The following HERC1 variants were observed in gnomAD, a reference collection of about 807,000 sequenced individuals.
The protein encoded by HERC1 is probable E3 ubiquitin-protein ligase HERC1.
HERC1 carries 160 observed loss-of-function variants against 554.3 expected under a neutral mutation model. That is an observed-to-expected ratio of 0.29 (90% confidence interval 0.25 to 0.33). The LOEUF is 0.33. Ranked by LOEUF, HERC1 falls within the 10% of genes least tolerant of loss-of-function variation. The pLI, the probability that HERC1 is intolerant of heterozygous loss-of-function variation, is 1.00. For synonymous variants in HERC1, 2,175 were observed against 2,131.7 expected (o/e 1.02, Z -0.56); for missense variants, 4,919 against 5,918.5 (o/e 0.83, Z 5.54).
chr15:63,627,813 A>G (rs1021514421), intron 70 of HERC1, among the ~76,000 whole-genome samples: 41 of 152,230 alleles, frequency 2.7e-4, no homozygotes, highest in Admixed American at 1.0e-3. Context: ...TTGGGTGTTG[A>G]GCACACAAGT....
At chr15:63,619,308 T>G (rs566544955) in intron 74 of HERC1, among the ~76,000 whole-genome samples, 6 of 152,238 alleles carry the variant, frequency 3.9e-5, no homozygotes, top group East Asian at 1.9e-4. Flanking sequence ...TTATTGATTT[T>G]CGTATGTTGA....
At chr15:63,713,064 T>G (rs1050494784) in intron 23 of HERC1, among the ~76,000 whole-genome samples, 169 bp from the exon 24 acceptor site, 1 of 152,268 alleles carries the variant, frequency 6.6e-6, no homozygotes, top group Non-Finnish European at 1.5e-5. Context: ...CAAAATAATT[T>G]GCATGTCACT....
chr15:63,725,495 T>A lies in HERC1; in HGVS notation c.3365A>T (p.Asp1122Val), dbSNP rs373907100. 6.2e-7 allele frequency: 1 copy of A among 1,613,804 alleles called. No individual in the cohort carries two copies. The highest frequency in any genetic ancestry group is 1.3e-5 in the African/African-American group (1 of 74,920). Residue 1122 changes from aspartate to valine, a missense_variant, in exon 18 of 78, where the codon GAT (aspartate) becomes GTT (valine). By Grantham distance (152) the Asp-to-Val change is radical. Around this residue, in one of 11 missense-constraint regions of HERC1, gnomAD observed 1,121 missense variants for 1,244.0 expected, o/e 0.90. Transcript: ENST00000443617. The part of the protein sequence containing the change: ...WPLHGGPELI[D>V]PAGLPLPQPA... ...CTGAGGTAATGGCAGACCAGCAGGA[T>A]CAATTAGTTCTGGCCCTCCTAAAGA... is the stretch of plus-strand genomic sequence containing the variant.
rs145696170 is a variant in HERC1 at position 63,639,231 on chromosome 15, C to T, written c.11902-455G>A. 1.3e-3 allele frequency among the ~76,000 whole-genome samples: 193 copies of T among 152,324 alleles called. 1 individual carries two copies. The highest frequency in any genetic ancestry group is 2.0e-3 in the Non-Finnish European group (137 of 68,026). On this transcript the variant is annotated intron_variant, in intron 61 of 77. Transcript: ENST00000443617. ...TGCCACGTGACATTTCAGTCAACAA[C>T]AAACTGCATGTGTGAAGATGGTCTC...
intron 1 of HERC1, among the ~76,000 whole-genome samples, chr15:63,811,765 C>G (rs1218450395): frequency 6.9e-6 from 1 of 144,830 alleles, no homozygotes; most frequent in African/African-American, 2.6e-5. Context: ...GCCGAGATCG[C>G]GCCACTGTAC....
chr15:63,678,291 T>C lies in HERC1; in HGVS notation c.6624A>G (p.Val2208=), dbSNP rs1450087792. ...TAGTGGCCTCAGCCAGCACTGCTGC[T>C]ACTGGACTACAAATAGGGTCTCCTG... ...LLPGDPICSP[V]AAVLAEATIQ... is the part of the protein sequence containing the mutation. Residue 2208 remains valine (V), a synonymous_variant, in exon 37 of 78, where the codon GTA becomes GTG. Coordinates refer to ENST00000443617, the MANE Select transcript of HERC1 (RefSeq NM_003922.4). 1.2e-6 allele frequency: 2 copies of C among 1,613,606 alleles called. No individual in the cohort carries two copies. The highest frequency in any genetic ancestry group is 4.5e-5 in the East Asian group (2 of 44,868).
Position 63,640,352 on chromosome 15 carries a change from A to ACAACAGC in HERC1, c.11694_11700dup (p.Cys3901AlafsTer4). ...TGGTGTGGTGGCACTGGAGGGTTAC[A>ACAACAGC]CAACAGCTGATCCAGATGAAGTCCC... On this transcript the variant is annotated frameshift_variant, in exon 61 of 78. Transcript: ENST00000443617. LOFTEE classifies it high-confidence loss of function. 1 of 1,613,896 alleles carries ACAACAGC rather than the reference A, an allele frequency of 6.2e-7. No homozygotes were observed.
chr15:63,673,003 G>C (rs576714768), intron 38 of HERC1, among the ~76,000 whole-genome samples: 4 of 152,240 alleles, frequency 2.6e-5, no homozygotes, highest in Admixed American at 6.5e-5. Context: ...TGTAAGATCT[G>C]ATAAGAGGTT....
chr15:63,708,589 T>C (rs773017266), intron 24 of HERC1, among the ~76,000 whole-genome samples: 2 of 152,232 alleles, frequency 1.3e-5, no homozygotes, highest in Non-Finnish European at 2.9e-5. Flanking sequence ...AGGGTTGGTA[T>C]TCTCTGTTTT....
chr15:63,666,608 C>T (rs1191950807), intron 40 of HERC1, 136 bp from the exon 41 acceptor site: 2 of 602,344 alleles, frequency 3.3e-6, no homozygotes, highest in African/African-American at 1.9e-5. Context: ...TGTGGCTGGG[C>T]ACTGTGGCTC....
chr15:63,744,160 G>GTCTCTCTCTCTCTCTC (rs2074956966), intron 12 of HERC1, among the ~76,000 whole-genome samples: 1 of 38,974 alleles, frequency 2.6e-5, no homozygotes, highest in Admixed American at 2.7e-4. Flanking sequence ...GTGTGTGTGT[G>GTCTCTCTCTCTCTCTC]TGTGTCTCTC....
chr15:63,712,131 G>A (rs931782249), intron 24 of HERC1, among the ~76,000 whole-genome samples: 1 of 152,144 alleles, frequency 6.6e-6, no homozygotes, highest in African/African-American at 2.4e-5. Context: ...AAAAGATTTT[G>A]AGTAGAGGAG....
chr15:63,665,929 A>C lies in HERC1; in HGVS notation c.8545T>G (p.Phe2849Val). 6.2e-7 allele frequency: 1 copy of C among 1,612,038 alleles called. No individual in the cohort carries two copies. The highest frequency in any genetic ancestry group is 2.2e-5 in the East Asian group (1 of 44,860). Residue 2849 changes from phenylalanine (F) to valine (V), a missense_variant, in exon 42 of 78, where the codon TTT becomes GTT. By Grantham distance (50) the Phe-to-Val change is conservative. Coordinates refer to ENST00000443617, the MANE Select transcript of HERC1 (RefSeq NM_003922.4). ...AAACTGGAATTTCACCTTTCACTAA[A>C]ACCTTCCTCCATTTCAGCAGCATCA... ...SADAAEMEEG[F>V]SESPDNLDHT... is the part of the protein sequence containing the mutation.
At chr15:63,632,955 T>C in intron 67 of HERC1, 144 bp from the exon 68 acceptor site, 3 of 627,754 alleles carry the variant, frequency 4.8e-6, no homozygotes, top group Non-Finnish European at 8.3e-6. Context: ...AAACCTGAAA[T>C]GTTATTTTCT....
chr15:63,690,553 A>G lies in HERC1; in HGVS notation c.5925T>C (p.Asp1975=). 1.2e-6 allele frequency: 2 copies of G among 1,604,162 alleles called. No homozygotes were observed. The highest frequency in any genetic ancestry group is 1.7e-6 in the Non-Finnish European group (2 of 1,174,766). The change falls in exon 32 of 78, where the codon GAT becomes GAC. Residue 1975 remains aspartate, a synonymous_variant. Coordinates refer to ENST00000443617, the MANE Select transcript of HERC1 (RefSeq NM_003922.4). Reference sequence around the variant, plus strand: ...TAAAAATAAAAACCTGGGCCATTTGATCATCTTCTACACCAGATTCACAAG... The same window carrying G: ...TAAAAATAAAAACCTGGGCCATTTGGTCATCTTCTACACCAGATTCACAAG... ...LPACESGVED[D]QMAQIVERLF... is the part of the protein sequence containing the mutation.
At chr15:63,651,731 G>A (rs1397770597) in intron 52 of HERC1, among the ~76,000 whole-genome samples, 1 of 152,168 alleles carries the variant, frequency 6.6e-6, no homozygotes, top group African/African-American at 2.4e-5. Context: ...AATAGCTACA[G>A]CTGGCTATAA....
At chr15:63,665,490 G>A (rs895718856) in intron 42 of HERC1, among the ~76,000 whole-genome samples, 2 of 152,000 alleles carry the variant, frequency 1.3e-5, no homozygotes, top group East Asian at 1.9e-4. Flanking sequence ...AGCCGATATC[G>A]CGCCACTGCA....
At chr15:63,620,615 T>C (rs2068033741) in intron 74 of HERC1, among the ~76,000 whole-genome samples, 1 of 152,074 alleles carries the variant, frequency 6.6e-6, no homozygotes, top group South Asian at 2.1e-4. Flanking sequence ...CCCATTATTA[T>C]TGTGTGGGAG....
chr15:63,622,410 C>G (rs952856722), intron 74 of HERC1, among the ~76,000 whole-genome samples: 3 of 150,996 alleles, frequency 2.0e-5, no homozygotes, highest in Admixed American at 1.3e-4. Flanking sequence ...TCACTGCAGC[C>G]TCTGCCTCCT....
Sources: gnomAD v4.1 joint callset for allele counts (sites outside exome capture counted in the v4.1 genomes callset) on GRCh38, gnomAD v4.1.1 for gene constraint, gnomAD v4.1.1 regional missense constraint, MANE v1.5 for transcripts, NCBI Gene and HGNC (gene_info 2026-07-23, HGNC 2026-07-21) for gene names.